The following SOX6 variants were observed in gnomAD, a reference collection of about 807,000 sequenced individuals.
SOX6 encodes transcription factor SOX-6.
A neutral mutation model predicts 97.8 loss-of-function variants in SOX6; 11 were observed. That is an observed-to-expected ratio of 0.11 (90% CI 0.07 to 0.19). The LOEUF (loss-of-function observed/expected upper bound fraction) is 0.19, where lower values mean the gene tolerates loss of function less well. Ranked by LOEUF, SOX6 falls within the 10% of genes least tolerant of loss-of-function variation. The pLI is 1.00. For missense variants in SOX6, 810 were observed against 1,039.5 expected, an observed-to-expected ratio of 0.78 and a Z score of 3.04; for synonymous variants, 360 against 371.4, an observed-to-expected ratio of 0.97 and a Z score of 0.35.
intron 1 of SOX6, among the ~76,000 whole-genome samples, chr11:16,407,943 C>T (rs574624387): frequency 1.3e-5 from 2 of 152,142 alleles, no homozygotes; most frequent in East Asian, 3.9e-4. Context: ...TTTCCACATT[C>T]CTTTACAACT....
chr11:16,471,487 A>G (rs908753238), intron 1 of SOX6, among the ~76,000 whole-genome samples: 2 of 152,266 alleles, frequency 1.3e-5, no homozygotes, highest in South Asian at 4.1e-4. Context: ...AAACCTTCCC[A>G]TGGCCATGAG....
chr11:16,045,606 T>G (rs928543977), intron 12 of SOX6, among the ~76,000 whole-genome samples: 7 of 152,162 alleles, frequency 4.6e-5, no homozygotes, highest in Non-Finnish European at 1.0e-4. Flanking sequence ...ACTTTTACTT[T>G]ATGATCCCCG....
intron 3 of SOX6, among the ~76,000 whole-genome samples, chr11:16,236,154 C>T (rs1853013419): frequency 6.6e-6 from 1 of 151,972 alleles, no homozygotes; most frequent in African/African-American, 2.4e-5. Flanking sequence ...TCTCAGTCTT[C>T]AACAAATGAT....
rs1347154212 is a variant in SOX6, at chr11:16,132,437, GA to G, written c.778-20515del. 1.8e-4 allele frequency among the ~76,000 whole-genome samples: 12 copies of G among 65,950 alleles called. 1 individual carries two copies. The highest frequency in any genetic ancestry group is 2.6e-4 in the Non-Finnish European group (9 of 34,780). 43.3% of individuals were successfully genotyped at this position (65,950 alleles called of 152,430 possible). A position where few individuals can be genotyped will look rare whatever the true frequency, so the allele number is the denominator to read the frequency against. On this transcript the variant is annotated intron_variant, in intron 6 of 15. Transcript: ENST00000683767. ...AGAAAGAAAGAAAGAAAGAAAGAAA[GA>G]AAGAAAAAAGAAAGAAAGAAAGAAA...
intron 1 of SOX6, among the ~76,000 whole-genome samples, chr11:16,420,639 A>AT (rs1565139271): frequency 6.6e-6 from 1 of 152,076 alleles, no homozygotes; most frequent in African/African-American, 2.4e-5. Context: ...TTTAAAACGT[A>AT]TTTTTTTCTT....
chr11:16,237,189 C>T (rs1326184445), intron 3 of SOX6, among the ~76,000 whole-genome samples: 1 of 151,884 alleles, frequency 6.6e-6, no homozygotes, highest in Non-Finnish European at 1.5e-5. Context: ...GCTTTCTACC[C>T]CATTATCTGA....
At chr11:16,456,984 T>A (rs1859821910) in intron 1 of SOX6, among the ~76,000 whole-genome samples, 1 of 152,090 alleles carries the variant, frequency 6.6e-6, no homozygotes, top group African/African-American at 2.4e-5. Flanking sequence ...ATACCTTATA[T>A]TCTATCTTGA....
chr11:16,677,141 G>A (rs984493981), intron 3 of SOX6, among the ~76,000 whole-genome samples: 2 of 152,070 alleles, frequency 1.3e-5, no homozygotes, highest in Admixed American at 1.3e-4. Flanking sequence ...AAAGTTCTGA[G>A]TTAAACAAAC....
chr11:16,245,161 T>A (rs1040301255), intron 3 of SOX6, among the ~76,000 whole-genome samples: 1 of 151,782 alleles, frequency 6.6e-6, no homozygotes, highest in East Asian at 1.9e-4. Context: ...TTAAAATACT[T>A]TACAATTTTC....
At chr11:16,687,119 T>G (rs1847975501) in intron 3 of SOX6, among the ~76,000 whole-genome samples, 1 of 152,172 alleles carries the variant, frequency 6.6e-6, no homozygotes, top group African/African-American at 2.4e-5. Flanking sequence ...AAGAAGACTC[T>G]GTGTCAAAAA....
intron 9 of SOX6, among the ~76,000 whole-genome samples, chr11:16,073,389 G>A (rs1848269833): frequency 6.6e-6 from 1 of 152,080 alleles, no homozygotes; most frequent in Non-Finnish European, 1.5e-5. Context: ...TATTCAATAA[G>A]AAGACCTAAC....
Position 16,300,471 on chromosome 11 carries a change from CA to C in SOX6, c.445+17974del, listed in dbSNP as rs1345100847. On this transcript the variant is annotated intron_variant, in intron 3 of 15. Coordinates refer to ENST00000683767, the MANE Select transcript of SOX6 (RefSeq NM_001367873.1). The surrounding 1 kb of genome is among the most constrained non-coding windows in gnomAD (Gnocchi z 4.1). ...CAATAAATAATACATTGACAATTTT[CA>C]GTAAATAAGCAGTGGACACAAATCG... 1.3e-5 allele frequency among the ~76,000 whole-genome samples: 2 copies of C among 152,132 alleles called. No individual in the cohort carries two copies.
chr11:16,511,089 G>C (rs932778754), intron 4 of SOX6, among the ~76,000 whole-genome samples: 1 of 152,122 alleles, frequency 6.6e-6, no homozygotes. Context: ...TTCTCTGATA[G>C]TTAAAAGAGG....
intron 9 of SOX6, among the ~76,000 whole-genome samples, chr11:16,067,891 GA>G (rs1457830650): frequency 2.0e-5 from 3 of 151,830 alleles, no homozygotes; most frequent in Non-Finnish European, 4.4e-5. Flanking sequence ...AAGAAAGGAA[GA>G]AAAAAAATTA....
At chr11:16,450,545 G>T (rs981085824) in intron 1 of SOX6, among the ~76,000 whole-genome samples, 5 of 152,220 alleles carry the variant, frequency 3.3e-5, no homozygotes, top group Non-Finnish European at 7.3e-5. Flanking sequence ...CACTAGAAAA[G>T]TTAATACAAC....
intron 3 of SOX6, among the ~76,000 whole-genome samples, chr11:16,294,101 C>T (rs1289011219): frequency 1.3e-5 from 2 of 151,854 alleles, no homozygotes; most frequent in Non-Finnish European, 2.9e-5. Context: ...ATTCAAGGGG[C>T]CAATCACGCT....
intron 6 of SOX6, among the ~76,000 whole-genome samples, chr11:16,136,528 G>C (rs1040911542): frequency 6.6e-6 from 1 of 151,922 alleles, no homozygotes; most frequent in Non-Finnish European, 1.5e-5. Flanking sequence ...AACCTCCCAA[G>C]TAGCTGGGAA....
intron 9 of SOX6, among the ~76,000 whole-genome samples, chr11:16,067,473 C>T (rs181561604): frequency 1.2e-4 from 18 of 152,182 alleles, no homozygotes; most frequent in African/African-American, 2.4e-4. Context: ...CCATGTAAGA[C>T]GTGCCTTTGC....
At chr11:16,546,509 G>A (rs1415526646) in intron 4 of SOX6, among the ~76,000 whole-genome samples, 8 of 152,190 alleles carry the variant, frequency 5.3e-5, no homozygotes, top group African/African-American at 1.7e-4. Flanking sequence ...ACATGCACTG[G>A]GGAAAGGACA....
Sources: allele counts gnomAD v4.1 joint callset (sites outside exome capture counted in the v4.1 genomes callset), GRCh38; gene constraint gnomAD v4.1.1; non-coding constraint Gnocchi (gnomAD v3.1); transcripts MANE v1.5; gene names NCBI Gene and HGNC (gene_info 2026-07-23, HGNC 2026-07-21).